Variants in ECRG4 observed in about 807,000 individuals in gnomAD.
ECRG4 encodes augurin.
In ECRG4, 18 loss-of-function variants were observed where a neutral mutation model predicts 15.8. The observed-to-expected ratio is 1.14, with a 90% CI of 0.79 to 1.69. ECRG4 has a LOEUF of 1.69. Among genes scored for constraint, ECRG4 ranks in the 40% most tolerant of loss-of-function variants. The pLI is 0.00. For synonymous variants in ECRG4, 82 were observed against 73.9 expected (o/e 1.11, Z -0.56); for missense variants, 200 against 190.9 (o/e 1.05, Z -0.28).
chr2:106,068,846 C>A (rs114932986), intron 1 of ECRG4, among the ~76,000 whole-genome samples: 133 of 152,296 alleles, frequency 8.7e-4, no homozygotes, highest in African/African-American at 2.4e-3. Context: ...GGAAGTAGAG[C>A]GTTAAACAGT....
At chr2:106,071,819 T>A in intron 1 of ECRG4, 25 bp from the exon 2 acceptor site, 1 of 1,606,216 alleles carries the variant, frequency 6.2e-7, no homozygotes, top group Non-Finnish European at 8.5e-7. Flanking sequence ...AACTCTGATA[T>A]GGATTTCAAT....
chr2:106,070,761 T>C (rs1313851213), intron 1 of ECRG4: 3 of 310,058 alleles, frequency 9.7e-6, no homozygotes, highest in East Asian at 1.6e-4. Flanking sequence ...CCTTGGCAGA[T>C]GCAAACGCAA....
Position 106,074,050 on chromosome 2 carries a change from G to A in ECRG4, c.285+7G>A. ...CATGGGCTTTGACGAAGCGGTAGGTGTTGCCTCCGGCTGCAGGCCTGGCTT... is the reference window on the plus strand; with the variant it reads ...CATGGGCTTTGACGAAGCGGTAGGTATTGCCTCCGGCTGCAGGCCTGGCTT... On this transcript the variant is annotated splice_region_variant and intron_variant, in intron 3 of 3. Coordinates refer to ENST00000238044, the MANE Select transcript of ECRG4 (RefSeq NM_032411.3). 1 of 1,610,114 alleles carries A rather than the reference G, an allele frequency of 6.2e-7. No homozygotes were observed. The highest frequency in any genetic ancestry group is 1.1e-5 in the South Asian group (1 of 90,970).
At chr2:106,066,095 C>A (rs999115494) in intron 1 of ECRG4, among the ~76,000 whole-genome samples, 3 of 152,202 alleles carry the variant, frequency 2.0e-5, no homozygotes, top group Admixed American at 1.3e-4. Flanking sequence ...TCCCGGGCAA[C>A]CTTGGGCAAG....
chr2:106,076,255 A>C (rs1237464389), intron 3 of ECRG4, among the ~76,000 whole-genome samples: 1 of 152,158 alleles, frequency 6.6e-6, no homozygotes, highest in Non-Finnish European at 1.5e-5. Flanking sequence ...TGGGGGGTGG[A>C]GCTTGCAGTG....
chr2:106,069,141 TTCTTTCTTTTC>T (rs1303948681), intron 1 of ECRG4, among the ~76,000 whole-genome samples: 1 of 135,798 alleles, frequency 7.4e-6, no homozygotes, highest in African/African-American at 2.7e-5. Context: ...CTTTCTTTCT[TTCTTTCTTTTC>T]TTTCTTTCTT....
intron 1 of ECRG4, among the ~76,000 whole-genome samples, chr2:106,068,864 C>A (rs1676279594): frequency 6.6e-6 from 1 of 152,164 alleles, no homozygotes; most frequent in Non-Finnish European, 1.5e-5. Flanking sequence ...AGTAGTCCCA[C>A]CCCCATCTAA....
chr2:106,064,998 G>A (rs1186120093), upstream of ECRG4, among the ~76,000 whole-genome samples: 3 of 152,072 alleles, frequency 2.0e-5, no homozygotes, highest in Non-Finnish European at 4.4e-5. Context: ...GCAAAGGGAA[G>A]CAGTGGTTTT....
intron 3 of ECRG4, among the ~76,000 whole-genome samples, chr2:106,076,758 T>A (rs2104800071): frequency 6.6e-6 from 1 of 152,266 alleles, no homozygotes; most frequent in Middle Eastern, 3.4e-3. Flanking sequence ...CCTGCATTTG[T>A]GATTTGGATG....
Position 106,071,835 on chromosome 2 carries a change from T to C in ECRG4, c.80-9T>C, listed in dbSNP as rs1409958262. On this transcript the variant is annotated splice_polypyrimidine_tract_variant and intron_variant, in intron 1 of 3. Transcript: ENST00000238044. Reference sequence around the variant, plus strand: ...ACTCTGATATGGATTTCAATTTTCATTCCTTTAGGTGGCATAAGTGGAAAT... The same window carrying C: ...ACTCTGATATGGATTTCAATTTTCACTCCTTTAGGTGGCATAAGTGGAAAT... The C allele has an allele frequency of 6.2e-7, 1 of 1,612,754 alleles. No individual in the cohort carries two copies. The highest frequency in any genetic ancestry group is 1.3e-5 in the African/African-American group (1 of 74,904).
intron 3 of ECRG4, chr2:106,074,356 G>GC: frequency 3.7e-6 from 1 of 269,446 alleles, no homozygotes. Flanking sequence ...GAACAGTTTT[G>GC]CCAGGGTATT....
chr2:106,065,447 CG>C (rs1264289347), upstream of ECRG4, among the ~76,000 whole-genome samples: 1 of 152,220 alleles, frequency 6.6e-6, no homozygotes, highest in Non-Finnish European at 1.5e-5. Flanking sequence ...GCTTTCGCTG[CG>C]GGCAGCGCTG....
chr2:106,066,469 C>T (rs1676217636), intron 1 of ECRG4, among the ~76,000 whole-genome samples: 1 of 152,226 alleles, frequency 6.6e-6, no homozygotes, highest in Non-Finnish European at 1.5e-5. Context: ...ATGGGTGCTC[C>T]GATATCTGAT....
chr2:106,067,590 C>T (rs56379287), intron 1 of ECRG4, among the ~76,000 whole-genome samples: 43,140 of 151,680 alleles, frequency 0.28, 6,544 homozygotes, highest in East Asian at 0.46. Context: ...CTACCTCAGC[C>T]TCCCGAGTAG....
chr2:106,077,645 C>T (rs1676513263), intron 3 of ECRG4, 120 bp from the exon 4 acceptor site: 2 of 867,366 alleles, frequency 2.3e-6, no homozygotes, highest in Non-Finnish European at 3.6e-6. Flanking sequence ...CAGGGAGTTA[C>T]TAAGGGTTGT....
intron 3 of ECRG4, chr2:106,074,297 C>T (rs947976127): frequency 2.4e-6 from 1 of 416,828 alleles, no homozygotes; most frequent in African/African-American, 2.0e-5. Flanking sequence ...CAGCGGGGAC[C>T]TAGATTCATC....
intron 1 of ECRG4, among the ~76,000 whole-genome samples, chr2:106,070,314 G>T (rs564403371): frequency 3.9e-5 from 6 of 152,350 alleles, no homozygotes; most frequent in Admixed American, 3.9e-4. Context: ...AGTTCTAGCA[G>T]GTTCCCCGTC....
intron 1 of ECRG4, among the ~76,000 whole-genome samples, chr2:106,067,059 C>CGGGGGGGG (rs1171603168): frequency 7.0e-4 from 3 of 4,256 alleles, no homozygotes; most frequent in Non-Finnish European, 9.2e-4. Flanking sequence ...TTTGGGAGGC[C>CGGGGGGGG]GGGGGGGGGG....
At chr2:106,067,472 A>AT (rs70953554) in intron 1 of ECRG4, among the ~76,000 whole-genome samples, 4,351 of 145,606 alleles carry the variant, frequency 0.03, 189 homozygotes, top group African/African-American at 0.096. Context: ...CAGTGAAAAT[A>AT]TTTTTTTTTT....
Sources: allele counts gnomAD v4.1 joint callset (sites outside exome capture counted in the v4.1 genomes callset), GRCh38; gene constraint gnomAD v4.1.1; transcripts MANE v1.5; gene names NCBI Gene and HGNC (gene_info 2026-07-23, HGNC 2026-07-21).